Variants in CAMKMT observed in about 807,000 individuals in gnomAD.
CAMKMT encodes the protein CaM KMT.
Under a neutral mutation model 48.0 loss-of-function variants are expected in CAMKMT, and 53 were observed. The observed-to-expected ratio is 1.10, with a 90% CI of 0.89 to 1.39. CAMKMT has a LOEUF of 1.39. Ranked by LOEUF, CAMKMT falls within the 40% of genes most tolerant of loss-of-function variation. The probability of loss-of-function intolerance (pLI) is 0.00; values close to 1 mark genes in which losing one functional copy is unlikely to be tolerated. For missense variants in CAMKMT, 428 were observed against 402.7 expected (o/e 1.06, Z -0.54); for synonymous variants, 165 against 152.3 (o/e 1.08, Z -0.61).
chr2:44,362,061 C>A lies in CAMKMT; in HGVS notation c.54C>A (p.Gly18=). Reference sequence around the variant, plus strand: ...CCGGCGAGACCGCGCGAGCAGCGGGCGGGAGTCCGGCAGTTGGCTGCACCA... The same window carrying A: ...CCGGCGAGACCGCGCGAGCAGCGGGAGGGAGTCCGGCAGTTGGCTGCACCA... ...AGTGETARAA[G]GSPAVGCTTR... is the part of the protein sequence containing the mutation. The change falls in exon 1 of 11, where the codon GGC becomes GGA. Residue 18 remains glycine, a synonymous_variant. Coordinates refer to ENST00000378494, the MANE Select transcript of CAMKMT (RefSeq NM_024766.5). 1 of 1,439,760 alleles carries A rather than the reference C, an allele frequency of 6.9e-7. No homozygotes were observed. Among genetic ancestry groups the A allele is most frequent in the Non-Finnish European group, 9.1e-7 (1 of 1,103,494 alleles). 89.2% of individuals were successfully genotyped at this position (1,439,760 alleles called of 1,614,324 possible). A position where few individuals can be genotyped will look rare whatever the true frequency, so the allele number is the denominator to read the frequency against.
intron 3 of CAMKMT, among the ~76,000 whole-genome samples, chr2:44,453,924 T>C (rs1667426824): frequency 6.6e-6 from 1 of 152,018 alleles, no homozygotes; most frequent in South Asian, 2.1e-4. Flanking sequence ...AGAAATAAGA[T>C]AGTCTTTGGA....
intron 3 of CAMKMT, among the ~76,000 whole-genome samples, chr2:44,400,600 T>C (rs1172470209): frequency 6.6e-6 from 1 of 152,112 alleles, no homozygotes; most frequent in African/African-American, 2.4e-5. Context: ...ATGAAATACT[T>C]AAAAATTCTT....
intron 3 of CAMKMT, among the ~76,000 whole-genome samples, chr2:44,523,098 T>A (rs1229410136): frequency 2.0e-5 from 3 of 152,100 alleles, no homozygotes; most frequent in Admixed American, 6.5e-5. Flanking sequence ...AGCACCAAAC[T>A]TTTAGTAATG....
intron 7 of CAMKMT, among the ~76,000 whole-genome samples, chr2:44,737,817 C>A (rs1189002375): frequency 6.6e-6 from 1 of 151,638 alleles, no homozygotes; most frequent in Non-Finnish European, 1.5e-5. Context: ...ATCCTGGGAA[C>A]TCTGAAGTTT....
intron 3 of CAMKMT, among the ~76,000 whole-genome samples, chr2:44,602,218 C>T (rs1671037384): frequency 6.6e-6 from 1 of 151,962 alleles, no homozygotes; most frequent in South Asian, 2.1e-4. Flanking sequence ...GTTGCCCAGT[C>T]TCGAACTCCT....
At chr2:44,636,836 A>G (rs967101606) in intron 3 of CAMKMT, among the ~76,000 whole-genome samples, 3 of 152,102 alleles carry the variant, frequency 2.0e-5, no homozygotes, top group Non-Finnish European at 2.9e-5. Flanking sequence ...TTTCCCCCCA[A>G]CTTTGATTTT....
chr2:44,527,338 A>G (rs925101680), intron 3 of CAMKMT, among the ~76,000 whole-genome samples: 3 of 144,500 alleles, frequency 2.1e-5, no homozygotes, highest in Non-Finnish European at 4.5e-5. Context: ...CATATATAAT[A>G]CATATATACA....
chr2:44,702,160 A>G (rs1225993257), intron 3 of CAMKMT, among the ~76,000 whole-genome samples: 1 of 152,156 alleles, frequency 6.6e-6, no homozygotes, highest in Non-Finnish European at 1.5e-5. Context: ...AAAGGCATAA[A>G]GAAATTCATT....
intron 3 of CAMKMT, among the ~76,000 whole-genome samples, chr2:44,552,662 G>GTTAA (rs1667785746): frequency 6.6e-6 from 1 of 152,120 alleles, no homozygotes; most frequent in Non-Finnish European, 1.5e-5. Context: ...TCTTACAACT[G>GTTAA]TTCTGCTAAT....
intron 3 of CAMKMT, among the ~76,000 whole-genome samples, chr2:44,538,444 T>C (rs920654882): frequency 1.3e-5 from 2 of 151,702 alleles, no homozygotes; most frequent in Non-Finnish European, 2.9e-5. Flanking sequence ...TACTCAGCCA[T>C]AAAAAGGAAT....
chr2:44,513,474 C>G (rs698777), intron 3 of CAMKMT, among the ~76,000 whole-genome samples: 94,105 of 152,000 alleles, frequency 0.62, 29,916 homozygotes, highest in Non-Finnish European at 0.67. Context: ...TCTATTCCTA[C>G]TTGTTTTTGA....
chr2:44,408,412 C>G (rs988885934), intron 3 of CAMKMT, among the ~76,000 whole-genome samples: 1 of 152,000 alleles, frequency 6.6e-6, no homozygotes, highest in Admixed American at 6.6e-5. Context: ...AATAGTAGCT[C>G]TAGTTTATAG....
At chr2:44,705,076 A>C (rs1677477870) in intron 4 of CAMKMT, among the ~76,000 whole-genome samples, 1 of 152,172 alleles carries the variant, frequency 6.6e-6, no homozygotes, top group South Asian at 2.1e-4. Flanking sequence ...ATAGCAGATA[A>C]GCCGCTAGTG....
rs559669813 is a variant in CAMKMT at position 44,599,122 on chromosome 2, T to G, written c.377-105161T>G. ...TCATTATTTATTAAACAATTAGCTT[T>G]AACATGTAAGATGGAATGGGAAAAA... On this transcript the variant is annotated intron_variant, in intron 3 of 10. Transcript: ENST00000378494. Among the ~76,000 whole-genome samples the G allele has an allele frequency of 5.3e-5, 8 of 152,272 alleles. No individual in the cohort carries two copies. The South Asian group carries it at 1.7e-3, about 32-fold the overall frequency.
intron 3 of CAMKMT, among the ~76,000 whole-genome samples, chr2:44,478,387 C>T (rs1211934576): frequency 6.6e-6 from 1 of 152,132 alleles, no homozygotes; most frequent in Admixed American, 6.5e-5. Context: ...GGCATGTCTA[C>T]AGCAATATGG....
intron 2 of CAMKMT, 55 bp downstream of exon 2, chr2:44,372,943 A>T (rs1469004873): frequency 7.8e-6 from 11 of 1,406,708 alleles, no homozygotes; most frequent in Non-Finnish European, 1.1e-5. Context: ...TTGGATAAGA[A>T]AAACAATCTA....
intron 3 of CAMKMT, among the ~76,000 whole-genome samples, chr2:44,661,792 A>T (rs186603705): frequency 7.0e-4 from 106 of 152,300 alleles, no homozygotes; most frequent in African/African-American, 2.5e-3. Flanking sequence ...CAGAGGTATT[A>T]AGTAGTCTTA....
chr2:44,629,569 G>A (rs1457997799), intron 3 of CAMKMT, among the ~76,000 whole-genome samples: 1 of 151,410 alleles, frequency 6.6e-6, no homozygotes, highest in Non-Finnish European at 1.5e-5. Flanking sequence ...CTCCCAGGTA[G>A]CGGGGACTAC....
chr2:44,394,637 A>G (rs1024265393), intron 3 of CAMKMT, among the ~76,000 whole-genome samples: 5 of 152,098 alleles, frequency 3.3e-5, no homozygotes, highest in Admixed American at 1.3e-4. Context: ...CATGTTGGCC[A>G]GGCTGGTCTC....
Sources: gnomAD v4.1 joint callset for allele counts (sites outside exome capture counted in the v4.1 genomes callset) on GRCh38, gnomAD v4.1.1 for gene constraint, MANE v1.5 for transcripts, NCBI Gene and HGNC (gene_info 2026-07-23, HGNC 2026-07-21) for gene names.